Variants in TUT4 observed in about 807,000 individuals in gnomAD.
TUT4 encodes terminal uridylyl transferase 4, also known as terminal uridylyltransferase 4.
TUT4 carries 36 observed loss-of-function variants against 192.2 expected under a neutral mutation model. The ratio of observed to expected loss-of-function variants is 0.19; its 90% CI spans 0.14 to 0.25. TUT4 has a LOEUF of 0.25. TUT4 is among the 10% of genes least tolerant of loss of function. The pLI is 1.00. For missense variants in TUT4, 1,493 were observed against 1,957.2 expected (o/e 0.76, Z 4.47); for synonymous variants, 618 against 666.0 (o/e 0.93, Z 1.11).
chr1:52,515,823 G>C (rs2149365003), intron 3 of TUT4, 68 bp downstream of exon 3: 2 of 1,575,462 alleles, frequency 1.3e-6, no homozygotes, highest in Non-Finnish European at 1.7e-6. Flanking sequence ...AATAAAAAAA[G>C]CTGTACTTGG....
chr1:52,425,566 T>C, intron 28 of TUT4, 59 bp from the exon 29 acceptor site: 1 of 1,510,368 alleles, frequency 6.6e-7, no homozygotes, highest in Non-Finnish European at 8.9e-7. Flanking sequence ...CATTGAAATA[T>C]CCCTTCATTC....
At chr1:52,531,161 T>C (rs1004624014) in intron 1 of TUT4, among the ~76,000 whole-genome samples, 2 of 152,114 alleles carry the variant, frequency 1.3e-5, no homozygotes, top group African/African-American at 2.4e-5. Flanking sequence ...ATGTGGTAAA[T>C]GGGTATTAAA....
At chr1:52,428,517 T>G (rs1030642349) in intron 28 of TUT4, among the ~76,000 whole-genome samples, 1 of 151,628 alleles carries the variant, frequency 6.6e-6, no homozygotes, top group African/African-American at 2.4e-5. Context: ...TCCCAGCTAC[T>G]TGGGAGGCTG....
chr1:52,481,674 T>C (rs774649180), intron 10 of TUT4, 39 bp from the exon 11 acceptor site: 2 of 1,541,708 alleles, frequency 1.3e-6, no homozygotes, highest in African/African-American at 1.4e-5. Flanking sequence ...GTGGAAAAAT[T>C]ATTTAAAAAA....
chr1:52,459,873 C>T (rs1056459221), intron 19 of TUT4, among the ~76,000 whole-genome samples: 5 of 151,220 alleles, frequency 3.3e-5, no homozygotes, highest in African/African-American at 7.3e-5. Flanking sequence ...CAGAGAAAGA[C>T]GCCATCTCAA....
At chr1:52,433,016 T>C (rs746884525) in intron 27 of TUT4, 2 of 152,124 alleles carry the variant, frequency 1.3e-5, no homozygotes, top group African/African-American at 2.4e-5. Flanking sequence ...TAGGAGATGA[T>C]AGTAGCCTAG....
At chr1:52,487,769 T>A (rs997097200) in intron 9 of TUT4, among the ~76,000 whole-genome samples, 4 of 152,042 alleles carry the variant, frequency 2.6e-5, no homozygotes, top group African/African-American at 9.7e-5. Flanking sequence ...AAAACACAAC[T>A]CCTTTCTGAA....
intron 1 of TUT4, among the ~76,000 whole-genome samples, chr1:52,539,566 C>T (rs2149634262): frequency 6.6e-6 from 1 of 152,186 alleles, no homozygotes; most frequent in South Asian, 2.1e-4. Flanking sequence ...TACAAAAAGT[C>T]CCGGAGCTCT....
At chr1:52,442,160 T>G (rs1181613070) in intron 24 of TUT4, among the ~76,000 whole-genome samples, 1 of 98,712 alleles carries the variant, frequency 1.0e-5, no homozygotes, top group African/African-American at 6.6e-5. Context: ...AGAGTGAGAC[T>G]CCACCTCAAA....
chr1:52,511,967 G>A (rs1292781244), intron 3 of TUT4, among the ~76,000 whole-genome samples: 1 of 151,698 alleles, frequency 6.6e-6, no homozygotes, highest in Non-Finnish European at 1.5e-5. Flanking sequence ...TGAGAGTGGT[G>A]AAGGTGGTAA....
intron 18 of TUT4, 61 bp from the exon 19 acceptor site, chr1:52,461,284 G>T: frequency 6.8e-7 from 1 of 1,466,060 alleles, no homozygotes; most frequent in Non-Finnish European, 9.3e-7. Context: ...CTACAAATCA[G>T]ATTTAAAAGT....
At chr1:52,439,707 GAAAA>G (rs1337326753) in intron 24 of TUT4, among the ~76,000 whole-genome samples, 48 of 152,190 alleles carry the variant, frequency 3.2e-4, no homozygotes, top group Admixed American at 2.6e-3. Flanking sequence ...AGCCACTTTA[GAAAA>G]CAGTTCCTTG....
rs756880729 is a variant in TUT4, at chr1:52,474,878, T to C, written c.2681A>G (p.Gln894Arg). The stretch of plus-strand genomic sequence containing the variant: ...CTTATCAAACACATAATATAATTCC[T>C]GGGTGGGGAGGTTATCATCATCATT... ...DLNDDDNLPT[Q>R]ELYYVFDKFI... is the part of the protein sequence containing the mutation. Residue 894 changes from glutamine (Q) to arginine (R), a missense_variant, in exon 13 of 30, where the codon CAG becomes CGG. Around this residue, in one of 7 missense-constraint regions of TUT4, gnomAD observed 245 missense variants for 218.4 expected, o/e 1.12. Transcript: ENST00000257177. 3.1e-6 allele frequency: 5 copies of C among 1,612,828 alleles called. No homozygotes were observed. The highest frequency in any genetic ancestry group is 1.3e-5 in the African/African-American group (1 of 74,998).
Position 52,481,574 on chromosome 1 carries a change from T to G in TUT4, c.1697A>C (p.Lys566Thr). ...TGAATTACATTCCCACTTCACAAAC[T>G]TCTCTTCTACTATGCCCTTCAGCTG... ...DFQLKGIVEE[K>T]FVKWECNSSS... Residue 566 changes from lysine (K) to threonine (T), a missense_variant, in exon 11 of 30, where the codon AAG (lysine) becomes ACG (threonine). By Grantham distance (78) the Lys-to-Thr change is moderately conservative. Around this residue, in one of 7 missense-constraint regions of TUT4, gnomAD observed 437 missense variants for 577.6 expected, o/e 0.76. Transcript: ENST00000257177. 4.3e-6 allele frequency: 7 copies of G among 1,613,834 alleles called. No homozygotes were observed. The highest frequency in any genetic ancestry group is 5.9e-6 in the Non-Finnish European group (7 of 1,179,960).
intron 4 of TUT4, among the ~76,000 whole-genome samples, chr1:52,504,204 CA>C (rs1007038660): frequency 6.6e-5 from 10 of 152,164 alleles, no homozygotes; most frequent in Non-Finnish European, 1.3e-4. Context: ...AACTCAATTC[CA>C]TTCTCACTAA....
At chr1:52,513,139 G>C (rs1454774517) in intron 3 of TUT4, among the ~76,000 whole-genome samples, 1 of 119,846 alleles carries the variant, frequency 8.3e-6, no homozygotes, top group Non-Finnish European at 1.8e-5. Context: ...AAAAAAAAAA[G>C]TACAATGAAT....
intron 20 of TUT4, among the ~76,000 whole-genome samples, chr1:52,447,366 T>C (rs1477915402): frequency 6.6e-6 from 1 of 151,694 alleles, no homozygotes; most frequent in Non-Finnish European, 1.5e-5. Context: ...GGAGAAATGC[T>C]TGAACCTGGA....
chr1:52,537,286 T>C (rs1458707502), intron 1 of TUT4, among the ~76,000 whole-genome samples: 3 of 151,528 alleles, frequency 2.0e-5, no homozygotes, highest in African/African-American at 7.3e-5. Context: ...TAAGAAAAAA[T>C]GAAAACAGAT....
intron 28 of TUT4, among the ~76,000 whole-genome samples, chr1:52,425,848 A>T (rs373175964): frequency 2.6e-5 from 4 of 151,230 alleles, no homozygotes; most frequent in Admixed American, 6.6e-5. Flanking sequence ...AACAAGGAAA[A>T]ATTTAGGCAA....
Sources: allele counts gnomAD v4.1 joint callset (sites outside exome capture counted in the v4.1 genomes callset), GRCh38; gene constraint gnomAD v4.1.1; regional missense constraint gnomAD v4.1.1; transcripts MANE v1.5; gene names NCBI Gene and HGNC (gene_info 2026-07-23, HGNC 2026-07-21).